Variants in KCTD3 observed in about 807,000 individuals in gnomAD.
KCTD3 encodes the protein potassium channel tetramerization domain containing 3.
A neutral mutation model predicts 85.8 loss-of-function variants in KCTD3; 41 were observed. The ratio of observed to expected loss-of-function variants is 0.48; its 90% CI spans 0.37 to 0.62. The LOEUF is 0.62. Among genes scored for constraint, KCTD3 ranks in the 20% least tolerant of loss-of-function variants. The pLI, the probability that KCTD3 is intolerant of heterozygous loss-of-function variation, is 0.00. For synonymous variants in KCTD3, 338 were observed against 345.4 expected (o/e 0.98, Z 0.24); for missense variants, 724 against 989.9 (o/e 0.73, Z 3.60).
intron 5 of KCTD3, 34 bp downstream of exon 5, chr1:215,577,762 T>A (rs1659646342): frequency 1.4e-6 from 2 of 1,472,422 alleles, no homozygotes; most frequent in African/African-American, 1.4e-5. Flanking sequence ...TGTTTATGAT[T>A]TGACTCATGT....
intron 13 of KCTD3, 46 bp from the exon 14 acceptor site, chr1:215,607,971 T>A (rs879819205): frequency 5.2e-6 from 8 of 1,533,418 alleles, no homozygotes; most frequent in Non-Finnish European, 6.2e-6. Context: ...TAAAATGAGT[T>A]TTTAAAAGTA....
intron 14 of KCTD3, 112 bp downstream of exon 14, chr1:215,608,284 A>G (rs901054773): frequency 1.5e-6 from 1 of 661,030 alleles, no homozygotes; most frequent in African/African-American, 1.9e-5. Flanking sequence ...TTCCATTTTA[A>G]TTTTGAAATT....
At position 215,573,666 on chromosome 1, in the gene KCTD3, G is replaced by A. The variant is rs548168121; in HGVS notation, c.84-120G>A. 27 of 589,386 alleles carry A rather than the reference G, an allele frequency of 4.6e-5. No individual in the cohort carries two copies. In the African/African-American group the frequency reaches 4.9e-4, roughly 11 times the overall value. The allele number at this position is 589,386 out of a possible 1,614,324, so 36.5% of individuals were successfully genotyped here. ...AATATTAACTGTAATAAATATATTG[G>A]TACAGCTATAACTATAAAACATCTT... On this transcript the variant is annotated intron_variant, in intron 1 of 17. Coordinates refer to ENST00000259154, the MANE Select transcript of KCTD3 (RefSeq NM_016121.5).
chr1:215,597,615 A>G (rs1276859502), intron 10 of KCTD3, among the ~76,000 whole-genome samples: 1 of 152,164 alleles, frequency 6.6e-6, no homozygotes, highest in Non-Finnish European at 1.5e-5. Context: ...TAGCCTCTAA[A>G]TACACAGTGG....
At chr1:215,601,638 CA>C (rs993440830) in intron 10 of KCTD3, among the ~76,000 whole-genome samples, 1 of 151,972 alleles carries the variant, frequency 6.6e-6, no homozygotes, top group African/African-American at 2.4e-5. Context: ...GTGGGAAATA[CA>C]ATTTAAAAAA....
At chr1:215,567,885 G>C (rs1659201527) in intron 1 of KCTD3, 117 bp downstream of exon 1, 2 of 608,028 alleles carry the variant, frequency 3.3e-6, no homozygotes, top group East Asian at 7.0e-5. Flanking sequence ...AAGCCTGGAG[G>C]GGAACGTGGG....
In KCTD3 at chr1:215,601,970, C is replaced by A; in HGVS notation, c.1021+16C>A. 1 of 1,501,166 alleles carries A rather than the reference C, an allele frequency of 6.7e-7. No individual in the cohort carries two copies. Among genetic ancestry groups the A allele is most frequent in the African/African-American group, 1.4e-5 (1 of 72,440 alleles). The allele number at this position is 1,501,166 out of a possible 1,614,324, so 93.0% of individuals were successfully genotyped here. ...TATTACATAGGTAAGTGTTCAGTCACTTAAAATGCTCCTGCTTAATGTAAT... is the reference window on the plus strand; with the variant it reads ...TATTACATAGGTAAGTGTTCAGTCAATTAAAATGCTCCTGCTTAATGTAAT... On this transcript the variant is annotated intron_variant, in intron 11 of 17. Coordinates refer to ENST00000259154, the MANE Select transcript of KCTD3 (RefSeq NM_016121.5).
intron 15 of KCTD3, chr1:215,618,015 G>C: frequency 7.5e-6 from 3 of 402,194 alleles, no homozygotes; most frequent in South Asian, 5.8e-5. Context: ...CCACTTCTTT[G>C]GACCTCACTC....
intron 1 of KCTD3, among the ~76,000 whole-genome samples, chr1:215,571,675 T>G (rs1419736371): frequency 3.3e-5 from 5 of 150,956 alleles, no homozygotes; most frequent in Non-Finnish European, 5.9e-5. Context: ...TTGTCGCCCA[T>G]GCTGGAGTGC....
chr1:215,574,463 A>T (rs1321903464), intron 3 of KCTD3, among the ~76,000 whole-genome samples: 1 of 152,120 alleles, frequency 6.6e-6, no homozygotes, highest in East Asian at 1.9e-4. Flanking sequence ...TAAGAGGTTA[A>T]ATTAGTAAAC....
intron 10 of KCTD3, among the ~76,000 whole-genome samples, chr1:215,600,651 A>T (rs868068618): frequency 2.6e-5 from 4 of 152,256 alleles, no homozygotes; most frequent in African/African-American, 9.6e-5. Flanking sequence ...AATATGTGGT[A>T]CATAAAAAGT....
At position 215,620,959 on chromosome 1, in the gene KCTD3, C is replaced by A; in HGVS notation, c.*341C>A. 1 of 272,884 alleles carries A rather than the reference C, an allele frequency of 3.7e-6. No homozygotes were observed. Among genetic ancestry groups the A allele is most frequent in the African/African-American group, 2.2e-5 (1 of 45,860 alleles). 16.9% of individuals were successfully genotyped at this position (272,884 alleles called of 1,614,324 possible). A position where few individuals can be genotyped will look rare whatever the true frequency, so the allele number is the denominator to read the frequency against. The stretch of plus-strand genomic sequence containing the variant: ...CATCCCTTTAGATCATGGGAACCAG[C>A]AGACTGCATTCCTAATCTTCATTAT... On this transcript the variant is annotated 3_prime_UTR_variant, in exon 18 of 18. Coordinates refer to ENST00000259154, the MANE Select transcript of KCTD3 (RefSeq NM_016121.5).
chr1:215,587,168 C>T (rs1397363815), intron 9 of KCTD3, among the ~76,000 whole-genome samples: 38 of 148,652 alleles, frequency 2.6e-4, no homozygotes, highest in Admixed American at 1.3e-3. Flanking sequence ...CTCGCTCTGT[C>T]GCCCAGGCTG....
Position 215,619,298 on chromosome 1 carries a change from T to C in KCTD3, c.1886+7T>C, listed in dbSNP as rs1407123502. 4 of 1,609,706 alleles carry C rather than the reference T, an allele frequency of 2.5e-6. No individual in the cohort carries two copies. The South Asian group carries it at 3.3e-5, about 13-fold the overall frequency. On this transcript the variant is annotated splice_region_variant and intron_variant, in intron 17 of 17. Coordinates refer to ENST00000259154, the MANE Select transcript of KCTD3 (RefSeq NM_016121.5). ...TACGAGAATCAAATTCTAGGTAGGTTAAAGAGTTGGGTATTATAAACAAAA... is the reference window on the plus strand; with the variant it reads ...TACGAGAATCAAATTCTAGGTAGGTCAAAGAGTTGGGTATTATAAACAAAA...
chr1:215,573,272 C>A (rs1659435678), intron 1 of KCTD3, among the ~76,000 whole-genome samples: 1 of 151,928 alleles, frequency 6.6e-6, no homozygotes, highest in Non-Finnish European at 1.5e-5. Flanking sequence ...GAAGGTAAAA[C>A]CTGAGTGGTA....
intron 14 of KCTD3, among the ~76,000 whole-genome samples, chr1:215,610,898 C>T (rs1296148486): frequency 6.6e-6 from 1 of 151,800 alleles, no homozygotes; most frequent in Non-Finnish European, 1.5e-5. Context: ...TAAGTATTAG[C>T]TAATAATAAA....
chr1:215,585,582 G>T (rs552883784), intron 8 of KCTD3, among the ~76,000 whole-genome samples: 2 of 152,224 alleles, frequency 1.3e-5, no homozygotes, highest in East Asian at 3.9e-4. Flanking sequence ...AGCCAAAAGA[G>T]AAATTTTATA....
chr1:215,602,000 T>C (rs929669217), intron 11 of KCTD3, 46 bp downstream of exon 11: 2 of 1,420,102 alleles, frequency 1.4e-6, no homozygotes, highest in African/African-American at 1.4e-5. Flanking sequence ...TGTAATTTTT[T>C]AAATGAGAAC....
At chr1:215,617,368 C>T (rs1050908022) in intron 15 of KCTD3, among the ~76,000 whole-genome samples, 6 of 152,122 alleles carry the variant, frequency 3.9e-5, no homozygotes, top group Non-Finnish European at 5.9e-5. Flanking sequence ...AAGTGGGGCT[C>T]AGCTTTGTGA....
Sources: gnomAD v4.1 joint callset for allele counts (sites outside exome capture counted in the v4.1 genomes callset) on GRCh38, gnomAD v4.1.1 for gene constraint, MANE v1.5 for transcripts, NCBI Gene and HGNC (gene_info 2026-07-23, HGNC 2026-07-21) for gene names.